Variants in DRC8 observed in about 807,000 individuals in gnomAD.
The protein encoded by DRC8 is dynein regulatory complex subunit 8.
chr1:245,080,695 G>A, the DRC8 span, among the ~76,000 whole-genome samples: 1 of 151,984 alleles, frequency 6.6e-6, no homozygotes. Flanking sequence ...TCTCTCCATG[G>A]CCGCCACTCC....
At chr1:245,017,172 G>A in the DRC8 span, 3 of 1,425,734 alleles carry the variant, frequency 2.1e-6, no homozygotes, top group Non-Finnish European at 2.9e-6. Context: ...TTGCTAGTCT[G>A]GTTATTAGAA....
At chr1:245,082,977 G>A in the DRC8 span, among the ~76,000 whole-genome samples, 2,395 of 152,108 alleles carry the variant, frequency 0.016, 51 homozygotes, top group African/African-American at 0.055. Context: ...CCAAAGTGCT[G>A]GGATTACAGG....
chr1:245,026,861 A>G, the DRC8 span, among the ~76,000 whole-genome samples: 101 of 152,318 alleles, frequency 6.6e-4, no homozygotes, highest in Non-Finnish European at 1.4e-3. Context: ...ATATGCATGG[A>G]AATGATAAGG....
At chr1:245,017,337 A>T in the DRC8 span, 2 of 1,317,506 alleles carry the variant, frequency 1.5e-6, no homozygotes, top group Non-Finnish European at 2.1e-6. Flanking sequence ...GTGTGGAAAT[A>T]TTTTTTTTTT....
the DRC8 span, among the ~76,000 whole-genome samples, chr1:245,030,105 C>A: frequency 1.3e-5 from 2 of 152,156 alleles, no homozygotes; most frequent in African/African-American, 2.4e-5. Context: ...TAGATTCACT[C>A]GAAAAGTGTG....
chr1:244,986,085 A>G, the DRC8 span, among the ~76,000 whole-genome samples: 1 of 151,368 alleles, frequency 6.6e-6, no homozygotes, highest in African/African-American at 2.4e-5. Flanking sequence ...CCTCCCGAGT[A>G]GCTGGGATTA....
At chr1:245,082,578 A>T in the DRC8 span, among the ~76,000 whole-genome samples, 1 of 152,200 alleles carries the variant, frequency 6.6e-6, no homozygotes, top group Non-Finnish European at 1.5e-5. Context: ...CATGTCAGTG[A>T]TTTTGCACTA....
the DRC8 span, among the ~76,000 whole-genome samples, chr1:245,022,454 G>A: frequency 2.3e-4 from 35 of 152,024 alleles, no homozygotes; most frequent in African/African-American, 8.0e-4. Context: ...ATGAGCCACC[G>A]CACCCAGCCA....
chr1:245,076,126 G>A, the DRC8 span, among the ~76,000 whole-genome samples: 1 of 152,206 alleles, frequency 6.6e-6, no homozygotes, highest in African/African-American at 2.4e-5. Context: ...AAACAGGTGG[G>A]TCTACACTGT....
chr1:245,074,349 C>T, the DRC8 span, among the ~76,000 whole-genome samples: 1 of 152,192 alleles, frequency 6.6e-6, no homozygotes, highest in Non-Finnish European at 1.5e-5. Flanking sequence ...ATCACCATCT[C>T]TATCAAATAC....
the DRC8 span, among the ~76,000 whole-genome samples, chr1:245,090,115 G>T: frequency 5.9e-5 from 9 of 152,222 alleles, no homozygotes; most frequent in Non-Finnish European, 1.2e-4. Flanking sequence ...GTTTTGTCAT[G>T]TGCGTGAGGT....
chr1:244,979,993 A>G, the DRC8 span, among the ~76,000 whole-genome samples: 10 of 143,164 alleles, frequency 7.0e-5, no homozygotes, highest in Non-Finnish European at 1.5e-4. Flanking sequence ...TCACGAGGTC[A>G]GGAGATCAAG....
the DRC8 span, among the ~76,000 whole-genome samples, chr1:244,973,649 C>T: frequency 2.0e-5 from 3 of 152,120 alleles, no homozygotes; most frequent in Non-Finnish European, 4.4e-5. Context: ...CACAGTGCCA[C>T]GGTATTCACT....
At chr1:245,004,878 C>A in the DRC8 span, among the ~76,000 whole-genome samples, 1 of 152,116 alleles carries the variant, frequency 6.6e-6, no homozygotes, top group East Asian at 1.9e-4. Context: ...TTTTAATTGA[C>A]ACATAATAAT....
the DRC8 span, chr1:245,059,490 G>A: frequency 7.6e-6 from 12 of 1,583,836 alleles, no homozygotes. Context: ...CATTCAGCCA[G>A]CTCTCTGTGT....
chr1:245,048,379 G>C, the DRC8 span, among the ~76,000 whole-genome samples: 90,608 of 151,992 alleles, frequency 0.6, 28,334 homozygotes, highest in East Asian at 0.73. Flanking sequence ...ACCAGCTTCT[G>C]AAGCCAAAGT....
At chr1:245,111,070 A>T in the DRC8 span, among the ~76,000 whole-genome samples, 1 of 152,214 alleles carries the variant, frequency 6.6e-6, no homozygotes, top group Non-Finnish European at 1.5e-5. Context: ...CAATCAGAAT[A>T]CTGAACCTGC....
At chr1:245,028,908 T>C in the DRC8 span, among the ~76,000 whole-genome samples, 7 of 152,248 alleles carry the variant, frequency 4.6e-5, no homozygotes, top group Non-Finnish European at 8.8e-5. Flanking sequence ...CTGTTTTTAC[T>C]GAAATGGTTA....
the DRC8 span, among the ~76,000 whole-genome samples, chr1:245,106,151 C>T: frequency 1.4e-4 from 21 of 152,302 alleles, no homozygotes; most frequent in Non-Finnish European, 2.1e-4. Context: ...CCTTATGAGA[C>T]GTATAAGCCT....
Sources: gnomAD v4.1 joint callset for allele counts (sites outside exome capture counted in the v4.1 genomes callset) on GRCh38, gnomAD v4.1.1 for gene constraint, MANE v1.5 for transcripts, NCBI Gene and HGNC (gene_info 2026-07-23, HGNC 2026-07-21) for gene names.